PAPPA2: variants seen among roughly 807,000 people sequenced by gnomAD.
PAPPA2 encodes the protein pappalysin 2, also known as pappalysin-2.
Under a neutral mutation model 176.4 loss-of-function variants are expected in PAPPA2, and 86 were observed. The observed-to-expected ratio is 0.49, with a 90% confidence interval of 0.41 to 0.58. PAPPA2 has a LOEUF of 0.58. PAPPA2 is among the 20% of genes least tolerant of loss of function. The pLI is 0.00. For missense variants in PAPPA2, 2,073 were observed against 2,256.9 expected, an observed-to-expected ratio of 0.92 and a Z score of 1.65; for synonymous variants, 809 against 852.2, an observed-to-expected ratio of 0.95 and a Z score of 0.88.
At chr1:176,716,869 C>T (rs1456278883) in intron 12 of PAPPA2, among the ~76,000 whole-genome samples, 2 of 152,010 alleles carry the variant, frequency 1.3e-5, no homozygotes, top group African/African-American at 4.8e-5. Context: ...TCTCGGCCTC[C>T]CAAAGTGCTG....
chr1:176,739,680 G>A lies in PAPPA2; in HGVS notation c.3853G>A (p.Asp1285Asn). 1 of 1,613,646 alleles carries A rather than the reference G, an allele frequency of 6.2e-7. No individual in the cohort carries two copies. The highest frequency in any genetic ancestry group is 1.1e-5 in the South Asian group (1 of 91,070). Residue 1285 changes from aspartate to asparagine, a missense_variant, in exon 13 of 23, where the codon GAT (aspartate) becomes AAT (asparagine). Coordinates refer to ENST00000367662, the MANE Select transcript of PAPPA2 (RefSeq NM_020318.3). ...AGCAATTTTTATTTTTTTGACAACTGATGGCCTAGTTCCCGGAGAGCATCA... is the reference window on the plus strand; with the variant it reads ...AGCAATTTTTATTTTTTTGACAACTAATGGCCTAGTTCCCGGAGAGCATCA... ...ARAIFIFLTT[D>N]GLVPGEHQQP...
intron 5 of PAPPA2, chr1:176,691,279 C>G: frequency 2.9e-6 from 2 of 679,288 alleles, no homozygotes; most frequent in Non-Finnish European, 3.6e-6. Flanking sequence ...CTAGAACTAT[C>G]CAAAAAAGAA....
At chr1:176,502,475 A>G (rs983283888) in intron 1 of PAPPA2, among the ~76,000 whole-genome samples, 2 of 152,150 alleles carry the variant, frequency 1.3e-5, no homozygotes, top group African/African-American at 4.8e-5. Context: ...AAAAAGATTT[A>G]TTTTGTTGGG....
chr1:176,791,045 C>T (rs1366671181), intron 18 of PAPPA2, among the ~76,000 whole-genome samples: 1 of 152,012 alleles, frequency 6.6e-6, no homozygotes, highest in East Asian at 1.9e-4. Flanking sequence ...CCAAAAATAG[C>T]TCTGAATATA....
chr1:176,777,382 C>A (rs979313995), intron 17 of PAPPA2, among the ~76,000 whole-genome samples: 1 of 152,074 alleles, frequency 6.6e-6, no homozygotes, highest in Non-Finnish European at 1.5e-5. Context: ...GGGTTTTGGT[C>A]CATTGTTTTC....
intron 3 of PAPPA2, among the ~76,000 whole-genome samples, chr1:176,659,897 C>T (rs975453999): frequency 6.6e-6 from 1 of 152,026 alleles, no homozygotes; most frequent in Non-Finnish European, 1.5e-5. Context: ...CAATATATGG[C>T]TGTGTATAAT....
At chr1:176,820,855 A>T (rs1254686696) in intron 21 of PAPPA2, among the ~76,000 whole-genome samples, 1 of 152,162 alleles carries the variant, frequency 6.6e-6, no homozygotes, top group Non-Finnish European at 1.5e-5. Context: ...ACAACCCCCA[A>T]AGGAAATATG....
chr1:176,496,789 T>C (rs1245369878), intron 1 of PAPPA2, among the ~76,000 whole-genome samples: 6 of 152,334 alleles, frequency 3.9e-5, no homozygotes, highest in Non-Finnish European at 5.9e-5. Context: ...GGGAATACTA[T>C]TTTAGCAATA....
chr1:176,659,214 G>T (rs1573207837), intron 3 of PAPPA2, among the ~76,000 whole-genome samples: 1 of 151,906 alleles, frequency 6.6e-6, no homozygotes, highest in South Asian at 2.1e-4. Flanking sequence ...ACAAACTGGG[G>T]GTCTTAAACC....
chr1:176,691,749 G>C (rs967389465), intron 5 of PAPPA2, among the ~76,000 whole-genome samples: 1 of 152,154 alleles, frequency 6.6e-6, no homozygotes, highest in African/African-American at 2.4e-5. Flanking sequence ...CTCTGCCAAC[G>C]TCACTGGGCA....
Position 176,702,603 on chromosome 1 carries a change from A to G in PAPPA2, c.3237-4A>G. On this transcript the variant is annotated splice_polypyrimidine_tract_variant and splice_region_variant and intron_variant, in intron 8 of 22. Transcript: ENST00000367662. ...AGTGGTCACAAACCCTTTGGTTTCCACAGGGAGGTCACACCTGGACAGATG... is the reference window on the plus strand; with the variant it reads ...AGTGGTCACAAACCCTTTGGTTTCCGCAGGGAGGTCACACCTGGACAGATG... 2 of 1,613,910 alleles carry G rather than the reference A, an allele frequency of 1.2e-6. No individual in the cohort carries two copies. The highest frequency in any genetic ancestry group is 1.7e-6 in the Non-Finnish European group (2 of 1,179,906).
chr1:176,725,876 G>T (rs968046546), intron 12 of PAPPA2, among the ~76,000 whole-genome samples: 1 of 152,150 alleles, frequency 6.6e-6, no homozygotes, highest in Non-Finnish European at 1.5e-5. Flanking sequence ...CGCCTCCCGG[G>T]TTCACACGTT....
intron 2 of PAPPA2, among the ~76,000 whole-genome samples, chr1:176,581,352 T>C (rs1446337790): frequency 2.6e-5 from 4 of 152,246 alleles, no homozygotes; most frequent in African/African-American, 9.6e-5. Context: ...AATGCTATTT[T>C]GGTTACTATA....
At chr1:176,790,016 G>C in intron 18 of PAPPA2, 39 bp downstream of exon 18, 1 of 1,591,934 alleles carries the variant, frequency 6.3e-7, no homozygotes, top group South Asian at 1.1e-5. Context: ...ATCAGGCTGT[G>C]CTCTAATCTT....
chr1:176,569,156 AC>A (rs1463504553), intron 2 of PAPPA2, among the ~76,000 whole-genome samples: 27 of 151,774 alleles, frequency 1.8e-4, no homozygotes, highest in Non-Finnish European at 1.0e-4. Context: ...ATACACACCC[AC>A]CCACACACCC....
At position 176,840,358 on chromosome 1, in the gene PAPPA2, A is replaced by G. The variant is rs962842843; in HGVS notation, c.5301+87A>G. 5 of 1,049,264 alleles carry G rather than the reference A, an allele frequency of 4.8e-6. No homozygotes were observed. In the African/African-American group the frequency reaches 6.3e-5, roughly 13 times the overall value. 65.0% of individuals were successfully genotyped at this position (1,049,264 alleles called of 1,614,324 possible). A position where few individuals can be genotyped will look rare whatever the true frequency, so the allele number is the denominator to read the frequency against. ...AGCTAGCTCTCATTCATGGTGTGTAATAATGGGTTTGTATTCAACAATTAG... is the reference window on the plus strand; with the variant it reads ...AGCTAGCTCTCATTCATGGTGTGTAGTAATGGGTTTGTATTCAACAATTAG... On this transcript the variant is annotated intron_variant, in intron 22 of 22. Coordinates refer to ENST00000367662, the MANE Select transcript of PAPPA2 (RefSeq NM_020318.3).
intron 17 of PAPPA2, among the ~76,000 whole-genome samples, chr1:176,777,867 A>C (rs1290573872): frequency 6.6e-6 from 1 of 152,000 alleles, no homozygotes; most frequent in Non-Finnish European, 1.5e-5. Flanking sequence ...CATCACCATA[A>C]TAATTTCTAC....
intron 1 of PAPPA2, among the ~76,000 whole-genome samples, chr1:176,469,788 C>T (rs555770931): frequency 6.6e-6 from 1 of 152,310 alleles, no homozygotes; most frequent in South Asian, 2.1e-4. Flanking sequence ...CAGCAGTTGT[C>T]ATCTGGGATG....
chr1:176,826,418 A>T (rs1666865106), intron 21 of PAPPA2, among the ~76,000 whole-genome samples: 2 of 152,226 alleles, frequency 1.3e-5, no homozygotes, highest in African/African-American at 2.4e-5. Context: ...TGGATTAGAT[A>T]CACAGACAAG....
Sources: allele counts gnomAD v4.1 joint callset (sites outside exome capture counted in the v4.1 genomes callset), GRCh38; gene constraint gnomAD v4.1.1; transcripts MANE v1.5; gene names NCBI Gene and HGNC (gene_info 2026-07-23, HGNC 2026-07-21).